The following ZCCHC2 variants were observed in gnomAD, a reference collection of about 807,000 sequenced individuals.
ZCCHC2 encodes zinc finger CCHC-type containing 2.
In ZCCHC2, 39 loss-of-function variants were observed where a neutral mutation model predicts 103.6. The observed-to-expected ratio is 0.38, with a 90% confidence interval of 0.29 to 0.49. The LOEUF is 0.49. Among genes scored for constraint, ZCCHC2 ranks in the 20% least tolerant of loss-of-function variants. The pLI is 0.96. For missense variants in ZCCHC2, 1,483 were observed against 1,491.0 expected (o/e 0.99, Z 0.09); for synonymous variants, 687 against 608.9 (o/e 1.13, Z -1.89).
chr18:62,562,119 C>G (rs931564657), intron 8 of ZCCHC2, among the ~76,000 whole-genome samples: 1 of 152,114 alleles, frequency 6.6e-6, no homozygotes, highest in Non-Finnish European at 1.5e-5. Flanking sequence ...GCCTCAGCCT[C>G]CCAAGTAGCT....
intron 4 of ZCCHC2, among the ~76,000 whole-genome samples, chr18:62,546,956 T>G (rs980302138): frequency 6.6e-6 from 1 of 152,212 alleles, no homozygotes; most frequent in African/African-American, 2.4e-5. Context: ...GGAAACATAC[T>G]GCCTATTGTA....
Position 62,558,770 on chromosome 18 carries a change from G to C in ZCCHC2, c.1492G>C (p.Asp498His), listed in dbSNP as rs950775933. 1 of 1,536,612 alleles carries C rather than the reference G, an allele frequency of 6.5e-7. No homozygotes were observed. Among genetic ancestry groups the C allele is most frequent in the African/African-American group, 1.4e-5 (1 of 72,308 alleles). Residue 498 changes from aspartate to histidine, a missense_variant and splice_region_variant, in exon 7 of 14, where the codon GAT (aspartate) becomes CAT (histidine). Asp to His is a moderately conservative substitution (Grantham distance 81). Coordinates refer to ENST00000269499, the MANE Select transcript of ZCCHC2 (RefSeq NM_017742.6). Reference protein sequence around the residue: ...DSSEASSQEEDVLQHAIIHKK... With the variant: ...DSSEASSQEEHVLQHAIIHKK... ...CTCTGAAGCTTCAAGTCAAGAAGAA[G>C]GTAAAGGTAGATTCACTAGAGTAAA...
intron 2 of ZCCHC2, 50 bp downstream of exon 2, chr18:62,539,842 C>G (rs1915099107): frequency 5.6e-6 from 8 of 1,423,536 alleles, no homozygotes; most frequent in Non-Finnish European, 7.8e-6. Flanking sequence ...CAAAAGATTA[C>G]AGGGTGCTCT....
chr18:62,543,315 A>C (rs1339182314), intron 3 of ZCCHC2, among the ~76,000 whole-genome samples: 1 of 151,994 alleles, frequency 6.6e-6, no homozygotes, highest in Non-Finnish European at 1.5e-5. Flanking sequence ...CATCCATGAT[A>C]CTCTGCCCTC....
intron 11 of ZCCHC2, among the ~76,000 whole-genome samples, chr18:62,566,375 A>G (rs1487403168): frequency 1.3e-5 from 2 of 152,352 alleles, no homozygotes; most frequent in East Asian, 1.9e-4. Flanking sequence ...AACACTTACT[A>G]TCTCTGAGGT....
rs372308391 is a variant in ZCCHC2, at chr18:62,576,778, A to G, written c.*199A>G. ...TTTGAGCCTCTGGTCTCCTGGTTCA[A>G]CAACAGGCTTATATGTATGATACAT... On this transcript the variant is annotated 3_prime_UTR_variant, in exon 14 of 14. Transcript: ENST00000269499. 5.7e-5 allele frequency: 31 copies of G among 545,502 alleles called. 1 individual carries two copies. The highest frequency in any genetic ancestry group is 4.0e-4 in the South Asian group (18 of 45,426). 33.8% of individuals were successfully genotyped at this position (545,502 alleles called of 1,614,324 possible). A position where few individuals can be genotyped will look rare whatever the true frequency, so the allele number is the denominator to read the frequency against.
intron 1 of ZCCHC2, among the ~76,000 whole-genome samples, chr18:62,538,033 A>G (rs1307945418): frequency 1.3e-5 from 2 of 152,188 alleles, no homozygotes; most frequent in African/African-American, 2.4e-5. Context: ...GCATTAGTTT[A>G]CATTTGAAAG....
At chr18:62,540,000 C>T (rs985308730) in intron 2 of ZCCHC2, among the ~76,000 whole-genome samples, 2 of 152,120 alleles carry the variant, frequency 1.3e-5, no homozygotes, top group South Asian at 2.1e-4. Flanking sequence ...TGTCCTAGCA[C>T]GCACACAGTC....
chr18:62,584,112 T>C (rs1276760439), intron 14 of ZCCHC2, among the ~76,000 whole-genome samples: 1 of 152,186 alleles, frequency 6.6e-6, no homozygotes, highest in Non-Finnish European at 1.5e-5. Context: ...CTAAACGCTG[T>C]CCTCTGTTGA....
At chr18:62,579,515 T>G (rs556750478), downstream of ZCCHC2, among the ~76,000 whole-genome samples, 123 of 152,308 alleles carry the variant, frequency 8.1e-4, no homozygotes, top group African/African-American at 2.7e-3. Flanking sequence ...TCCGGTTGGG[T>G]GGGCAGTGAG....
At chr18:62,558,948 C>A (rs1243524042) in intron 7 of ZCCHC2, among the ~76,000 whole-genome samples, 178 bp downstream of exon 7, 1 of 152,092 alleles carries the variant, frequency 6.6e-6, no homozygotes, top group Non-Finnish European at 1.5e-5. Flanking sequence ...ATAAATTGTT[C>A]AATAAATGGT....
At chr18:62,570,351 T>C in intron 12 of ZCCHC2, 120 bp downstream of exon 12, 1 of 1,233,284 alleles carries the variant, frequency 8.1e-7, no homozygotes, top group South Asian at 1.4e-5. Context: ...TAAATGCCAT[T>C]AACTGATTTT....
At position 62,523,617 on chromosome 18, in the gene ZCCHC2, C is replaced by G. The variant is rs1447872436; in HGVS notation, c.193C>G (p.Arg65Gly). The change falls in exon 1 of 14, where the codon CGG becomes GGG. Residue 65 changes from arginine (R) to glycine (G), a missense_variant. This residue lies in a region of ZCCHC2 where 568 missense variants were observed against 525.1 expected (regional missense o/e 1.08). Coordinates refer to ENST00000269499, the MANE Select transcript of ZCCHC2 (RefSeq NM_017742.6). Reference sequence around the variant, plus strand: ...CCCTCTGCCGCCGCCGCCGCCGCCCCGGGGACTCGGGCCGCCTGTTGCTGG... The same window carrying G: ...CCCTCTGCCGCCGCCGCCGCCGCCCGGGGGACTCGGGCCGCCTGTTGCTGG... ...RGPLPPPPPP[R>G]GLGPPVAGGA... 4.2e-6 allele frequency: 5 copies of G among 1,185,400 alleles called. No homozygotes were observed. The highest frequency in any genetic ancestry group is 4.2e-6 in the Non-Finnish European group (4 of 960,354). 73.4% of individuals were successfully genotyped at this position (1,185,400 alleles called of 1,614,324 possible).
chr18:62,570,172 C>T lies in ZCCHC2; in HGVS notation c.1916C>T (p.Pro639Leu), dbSNP rs200296776. ...ACATCTTCAGAGAGTTACAGTTCTC[C>T]ATCTAGTCCCCGACATGATGGAAGA... ...GETSSESYSS[P>L]SSPRHDGRES... Residue 639 changes from proline to leucine, a missense_variant, in exon 12 of 14, where the codon CCA becomes CTA. Physicochemically the swap from Pro to Leu is moderately conservative, Grantham distance 98 (BLOSUM62 -3). This residue lies in a region of ZCCHC2 where 884 missense variants were observed against 907.5 expected (regional missense o/e 0.97). Coordinates refer to ENST00000269499, the MANE Select transcript of ZCCHC2 (RefSeq NM_017742.6). The T allele has an allele frequency of 9.9e-5, 160 of 1,612,278 alleles. 2 individuals carry two copies. In the East Asian group the frequency reaches 3.5e-3, roughly 36 times the overall value.
chr18:62,534,646 A>G (rs185764592), intron 1 of ZCCHC2, among the ~76,000 whole-genome samples: 1 of 152,338 alleles, frequency 6.6e-6, no homozygotes, highest in East Asian at 1.9e-4. Context: ...AGAAATGTCT[A>G]AATTGGGATG....
intron 11 of ZCCHC2, among the ~76,000 whole-genome samples, chr18:62,565,441 G>A (rs1053951): frequency 0.59 from 89,250 of 151,902 alleles, 26,839 homozygotes; most frequent in African/African-American, 0.68. Flanking sequence ...TTTGCCGGCC[G>A]CTCATGAGAG....
chr18:62,542,408 G>A, intron 2 of ZCCHC2, 90 bp from the exon 3 acceptor site: 3 of 891,216 alleles, frequency 3.4e-6, no homozygotes, highest in Non-Finnish European at 5.2e-6. Context: ...TAATTGTTAA[G>A]CACTTGTCAA....
intron 11 of ZCCHC2, among the ~76,000 whole-genome samples, chr18:62,568,281 C>T (rs1453124707): frequency 6.6e-6 from 1 of 152,176 alleles, no homozygotes; most frequent in African/African-American, 2.4e-5. Flanking sequence ...TCATTTGAGA[C>T]ATGACAAATT....
intron 4 of ZCCHC2, among the ~76,000 whole-genome samples, chr18:62,549,063 C>CA (rs921561640): frequency 4.9e-5 from 7 of 142,748 alleles, no homozygotes; most frequent in South Asian, 2.2e-4. Flanking sequence ...ACTAAAAATA[C>CA]AAAAAATTAG....
Sources: gnomAD v4.1 joint callset for allele counts (sites outside exome capture counted in the v4.1 genomes callset) on GRCh38, gnomAD v4.1.1 for gene constraint, gnomAD v4.1.1 regional missense constraint, MANE v1.5 for transcripts, NCBI Gene and HGNC (gene_info 2026-07-23, HGNC 2026-07-21) for gene names.